The following LGR5 variants were observed in gnomAD, a reference collection of about 807,000 sequenced individuals.
The protein encoded by LGR5 is leucine rich repeat containing G protein-coupled receptor 5.
Under a neutral mutation model 76.7 loss-of-function variants are expected in LGR5, and 54 were observed. That is an observed-to-expected ratio of 0.70 (90% CI 0.57 to 0.88). LGR5 has a LOEUF of 0.88. Ranked by LOEUF, LGR5 falls within the 40% of genes least tolerant of loss-of-function variation. The pLI is 0.00. For missense variants in LGR5, 1,078 were observed against 1,073.3 expected (o/e 1.00, Z -0.06); for synonymous variants, 406 against 421.9 (o/e 0.96, Z 0.46).
intron 17 of LGR5, 70 bp downstream of exon 17, chr12:71,582,609 C>A: frequency 8.3e-7 from 1 of 1,211,932 alleles, no homozygotes; most frequent in Non-Finnish European, 1.2e-6. Flanking sequence ...AAAAACAATA[C>A]AGCTATACTT....
At chr12:71,448,846 C>T (rs1220378436) in intron 1 of LGR5, 1 of 152,218 alleles carries the variant, frequency 6.6e-6, no homozygotes, top group Non-Finnish European at 1.5e-5. Flanking sequence ...GGATCTTCCT[C>T]TTTATTTTGT....
At chr12:71,470,066 A>T (rs1020206561) in intron 1 of LGR5, among the ~76,000 whole-genome samples, 2 of 152,162 alleles carry the variant, frequency 1.3e-5, no homozygotes, top group Non-Finnish European at 2.9e-5. Context: ...TACCTCTGCT[A>T]AAAAACCTTC....
chr12:71,562,180 T>C (rs1289234435), intron 8 of LGR5, among the ~76,000 whole-genome samples: 1 of 152,232 alleles, frequency 6.6e-6, no homozygotes, highest in African/African-American at 2.4e-5. Flanking sequence ...TGCATAGTCA[T>C]TCTGAACTTA....
rs374470036 is a variant in LGR5, at chr12:71,575,188, G to A, written c.1208+2267G>A. Among the ~76,000 whole-genome samples, 21 of 152,154 alleles carry A rather than the reference G, an allele frequency of 1.4e-4. 1 individual carries two copies. The South Asian group carries it at 4.4e-3, about 32-fold the overall frequency. ...GATAATACCTACCTCTTAGGGTTGT[G>A]GTGAGGGTTATGAGACTAAAACCTG... On this transcript the variant is annotated intron_variant, in intron 13 of 17. Transcript: ENST00000266674.
At chr12:71,582,132 G>A (rs17109918) in intron 16 of LGR5, among the ~76,000 whole-genome samples, 8,904 of 152,224 alleles carry the variant, frequency 0.058, 354 homozygotes, top group South Asian at 0.083. Context: ...TACTCTGAAC[G>A]AAGAGGCCCA....
At chr12:71,545,721 A>G (rs1485452802) in intron 4 of LGR5, among the ~76,000 whole-genome samples, 2 of 152,116 alleles carry the variant, frequency 1.3e-5, no homozygotes, top group East Asian at 3.9e-4. Flanking sequence ...ATGGCTCATC[A>G]AAGACATTCT....
intron 1 of LGR5, among the ~76,000 whole-genome samples, chr12:71,443,798 A>G (rs961732965): frequency 1.3e-5 from 2 of 152,182 alleles, no homozygotes; most frequent in Non-Finnish European, 2.9e-5. Flanking sequence ...TTGGTCCAGA[A>G]CAGCTATTTT....
intron 1 of LGR5, among the ~76,000 whole-genome samples, chr12:71,491,497 A>C (rs79951860): frequency 1.3e-5 from 2 of 152,020 alleles, no homozygotes; most frequent in Non-Finnish European, 2.9e-5. Flanking sequence ...TGGAGGCTTT[A>C]TGTCCCTTGT....
Position 71,440,179 on chromosome 12 carries a change from C to T in LGR5, c.99C>T (p.Gly33=). 1 of 1,611,814 alleles carries T rather than the reference C, an allele frequency of 6.2e-7. No homozygotes were observed. Among genetic ancestry groups the T allele is most frequent in the Non-Finnish European group, 8.5e-7 (1 of 1,179,600 alleles). The stretch of plus-strand genomic sequence containing the variant: ...CCAGGTCTGGTGTGTTGCTGAGGGG[C>T]TGCCCCACACACTGTCATTGCGAGC... ...SSPRSGVLLR[G]CPTHCHCEPD... is the part of the protein sequence containing the mutation. Residue 33 remains glycine (G), a synonymous_variant, in exon 1 of 18, where the codon GGC becomes GGT. Transcript: ENST00000266674. The surrounding 1 kb of genome is among the most constrained non-coding windows in gnomAD (Gnocchi z 5.3).
intron 1 of LGR5, among the ~76,000 whole-genome samples, chr12:71,503,843 C>T (rs1178034926): frequency 2.0e-5 from 3 of 152,028 alleles, no homozygotes; most frequent in Non-Finnish European, 4.4e-5. Context: ...AGGGCATATA[C>T]CCATGATGCT....
intron 1 of LGR5, among the ~76,000 whole-genome samples, chr12:71,479,649 TG>T (rs1018473067): frequency 6.7e-6 from 1 of 149,734 alleles, no homozygotes; most frequent in African/African-American, 2.5e-5. Context: ...AGGACTTATC[TG>T]GGGGGGTGGG....
chr12:71,553,012 A>G, intron 4 of LGR5, 61 bp from the exon 5 acceptor site: 1 of 1,523,016 alleles, frequency 6.6e-7, no homozygotes, highest in South Asian at 1.1e-5. Context: ...GTTTTCCTGC[A>G]AAGTTGACCT....
chr12:71,561,193 G>C (rs556327034), intron 7 of LGR5, among the ~76,000 whole-genome samples: 2 of 152,228 alleles, frequency 1.3e-5, no homozygotes, highest in African/African-American at 4.8e-5. Flanking sequence ...TCATGGCATG[G>C]GGTCACCTCA....
chr12:71,529,985 C>T (rs1876221312), intron 3 of LGR5, among the ~76,000 whole-genome samples: 1 of 149,254 alleles, frequency 6.7e-6, no homozygotes, highest in Non-Finnish European at 1.5e-5. Flanking sequence ...TAGAAGCAAA[C>T]ATCTGATTCA....
At chr12:71,551,877 A>T (rs1178374777) in intron 4 of LGR5, among the ~76,000 whole-genome samples, 1 of 152,242 alleles carries the variant, frequency 6.6e-6, no homozygotes, top group African/African-American at 2.4e-5. Context: ...AAAATGTCAG[A>T]AAAACAAACA....
intron 13 of LGR5, 110 bp downstream of exon 13, chr12:71,573,031 G>T: frequency 1.4e-6 from 1 of 698,818 alleles, no homozygotes; most frequent in Non-Finnish European, 2.4e-6. Context: ...GGACTTTTGT[G>T]CATATATTTG....
intron 4 of LGR5, among the ~76,000 whole-genome samples, chr12:71,542,106 T>C (rs1876908590): frequency 6.6e-6 from 1 of 152,238 alleles, no homozygotes; most frequent in Non-Finnish European, 1.5e-5. Flanking sequence ...TGTTTCTCTG[T>C]GCATTTAGTT....
chr12:71,535,175 C>A lies in LGR5; in HGVS notation c.417C>A (p.Ser139Arg), dbSNP rs779090996. The A allele has an allele frequency of 1.4e-5, 22 of 1,602,002 alleles. No homozygotes were observed. The highest frequency in any genetic ancestry group is 2.7e-5 in the African/African-American group (2 of 74,680). The change falls in exon 4 of 18, where the codon AGC becomes AGA. Residue 139 changes from serine (S) to arginine (R), a missense_variant. By Grantham distance (110) the Ser-to-Arg change is moderately radical. Transcript: ENST00000266674. ...VPTEALQNLR[S>R]LQSLRLDANH... is the part of the protein sequence containing the mutation. ...CAGAAGCTCTGCAGAATTTGCGAAG[C>A]CTTCAATCCCTGTAAGTATAGTAGA...
intron 2 of LGR5, among the ~76,000 whole-genome samples, chr12:71,511,762 G>A (rs189208155): frequency 1.0e-3 from 152 of 152,050 alleles, no homozygotes; most frequent in East Asian, 3.5e-3. Flanking sequence ...CTGCCCAGCC[G>A]CCCACAAGCA....
Sources: allele counts gnomAD v4.1 joint callset (sites outside exome capture counted in the v4.1 genomes callset), GRCh38; gene constraint gnomAD v4.1.1; non-coding constraint Gnocchi (gnomAD v3.1); transcripts MANE v1.5; gene names NCBI Gene and HGNC (gene_info 2026-07-23, HGNC 2026-07-21).